Variants in RAB6B observed in about 807,000 individuals in gnomAD.
RAB6B encodes the protein ras-related protein Rab-6B.
Under a neutral mutation model 31.2 loss-of-function variants are expected in RAB6B, and 7 were observed. The observed-to-expected ratio is 0.22, with a 90% CI of 0.13 to 0.42. The LOEUF (loss-of-function observed/expected upper bound fraction) is 0.42. Among genes scored for constraint, RAB6B ranks in the 10% least tolerant of loss-of-function variants. The probability of loss-of-function intolerance (pLI) is 1.00; values close to 1 mark genes in which losing one functional copy is unlikely to be tolerated. For synonymous variants in RAB6B, 105 were observed against 104.9 expected (o/e 1.00, Z -0.01); for missense variants, 149 against 280.6 (o/e 0.53, Z 3.35).
chr3:133,866,139 C>T (rs1045262413), intron 1 of RAB6B, among the ~76,000 whole-genome samples: 1 of 152,098 alleles, frequency 6.6e-6, no homozygotes, highest in Non-Finnish European at 1.5e-5. Flanking sequence ...ATGGGAAATG[C>T]TTAAAAGTGG....
chr3:133,831,065 A>G (rs1299432720), intron 7 of RAB6B, among the ~76,000 whole-genome samples: 2 of 152,246 alleles, frequency 1.3e-5, no homozygotes, highest in Non-Finnish European at 2.9e-5. Flanking sequence ...CGTTCTGCCC[A>G]GTATTGAAGT....
intron 7 of RAB6B, among the ~76,000 whole-genome samples, chr3:133,833,960 A>G (rs985988983): frequency 6.6e-6 from 1 of 152,198 alleles, no homozygotes; most frequent in African/African-American, 2.4e-5. Context: ...CTGAGTGTGA[A>G]TCCTAACTGT....
chr3:133,872,550 G>C (rs1122790), intron 1 of RAB6B, among the ~76,000 whole-genome samples: 77,822 of 152,086 alleles, frequency 0.51, 20,013 homozygotes, highest in East Asian at 0.68. Flanking sequence ...TCACCAAACA[G>C]AAAGTCCAGC....
intron 2 of RAB6B, among the ~76,000 whole-genome samples, chr3:133,862,186 T>C (rs538857099): frequency 6.6e-6 from 1 of 151,822 alleles, no homozygotes; most frequent in South Asian, 2.1e-4. Context: ...CTGAGGTTTC[T>C]CTCCTCTTGT....
At chr3:133,839,035 G>A (rs1293167486) in intron 5 of RAB6B, among the ~76,000 whole-genome samples, 1 of 152,266 alleles carries the variant, frequency 6.6e-6, no homozygotes, top group Non-Finnish European at 1.5e-5. Flanking sequence ...ACCAGGCTAA[G>A]CAGGCTACGG....
chr3:133,830,507 A>G (rs1218668860), intron 7 of RAB6B, among the ~76,000 whole-genome samples: 4 of 151,918 alleles, frequency 2.6e-5, no homozygotes, highest in Non-Finnish European at 5.9e-5. Context: ...TCCTTTGTTC[A>G]TGCTGTTCTT....
chr3:133,849,948 G>A (rs1003088494), intron 2 of RAB6B, among the ~76,000 whole-genome samples: 7 of 152,054 alleles, frequency 4.6e-5, no homozygotes, highest in Non-Finnish European at 1.0e-4. Context: ...CTCAAATAAG[G>A]CACAAACAGT....
chr3:133,895,509 C>T lies in RAB6B; in HGVS notation c.-43G>A. On this transcript the variant is annotated 5_prime_UTR_variant, in exon 1 of 8. Coordinates refer to ENST00000285208, the MANE Select transcript of RAB6B (RefSeq NM_016577.4). Reference sequence around the variant, plus strand: ...CCGGGAGAGGAGGAGGAGGAAAAAGCGAAGGAGCAGGGAGGGGAGAGTAGG... The same window carrying T: ...CCGGGAGAGGAGGAGGAGGAAAAAGTGAAGGAGCAGGGAGGGGAGAGTAGG... 3.8e-6 allele frequency: 6 copies of T among 1,597,162 alleles called. No homozygotes were observed. The highest frequency in any genetic ancestry group is 1.7e-5 in the Admixed American group (1 of 59,278).
Position 133,826,051 on chromosome 3 carries a change from A to T in RAB6B, c.*2737T>A, listed in dbSNP as rs1935557012. The stretch of plus-strand genomic sequence containing the variant: ...GGGATGGTGCCTGCTCAAGACAAAA[A>T]TCAGGGAACCAACAACTTCTGAAAA... On this transcript the variant is annotated 3_prime_UTR_variant, in exon 8 of 8. Coordinates refer to ENST00000285208, the MANE Select transcript of RAB6B (RefSeq NM_016577.4). The T allele has an allele frequency of 6.6e-6, 1 of 152,290 alleles. No individual in the cohort carries two copies. The highest frequency in any genetic ancestry group is 1.5e-5 in the Non-Finnish European group (1 of 68,086). The allele number at this position is 152,290 out of a possible 1,614,324, so 9.4% of individuals were successfully genotyped here.
intron 1 of RAB6B, among the ~76,000 whole-genome samples, chr3:133,890,396 G>C (rs899419942): frequency 5.9e-5 from 9 of 152,152 alleles, no homozygotes; most frequent in African/African-American, 2.2e-4. Flanking sequence ...CTTGAGGTCA[G>C]AAGTTCGAGA....
chr3:133,872,236 C>A (rs190584047), intron 1 of RAB6B, among the ~76,000 whole-genome samples: 3 of 152,276 alleles, frequency 2.0e-5, no homozygotes, highest in Non-Finnish European at 2.9e-5. Context: ...CAGAGACCCG[C>A]TGACTCAGCC....
intron 2 of RAB6B, among the ~76,000 whole-genome samples, chr3:133,862,466 G>C (rs1936173397): frequency 6.6e-6 from 1 of 152,224 alleles, no homozygotes; most frequent in Non-Finnish European, 1.5e-5. Flanking sequence ...TAGGAAAGAT[G>C]GTCACGGAGG....
At chr3:133,852,994 T>C (rs1936008743) in intron 2 of RAB6B, among the ~76,000 whole-genome samples, 1 of 152,210 alleles carries the variant, frequency 6.6e-6, no homozygotes, top group South Asian at 2.1e-4. Context: ...TCCCCTACCC[T>C]CTTTTCCTTT....
chr3:133,864,734 A>G (rs1027221927), intron 1 of RAB6B, 92 bp from the exon 2 acceptor site: 2 of 1,274,936 alleles, frequency 1.6e-6, no homozygotes, highest in Non-Finnish European at 2.3e-6. Context: ...TAACAAAACC[A>G]AAAAGCACAG....
intron 4 of RAB6B, among the ~76,000 whole-genome samples, chr3:133,840,106 C>T (rs1935801005): frequency 2.0e-5 from 3 of 152,022 alleles, no homozygotes; most frequent in Admixed American, 1.3e-4. Context: ...GTGTCCCCAC[C>T]ATGGGAGCTC....
intron 2 of RAB6B, among the ~76,000 whole-genome samples, chr3:133,843,766 G>C (rs1935869447): frequency 6.6e-6 from 1 of 152,134 alleles, no homozygotes; most frequent in Admixed American, 6.5e-5. Flanking sequence ...CATCTTTGGG[G>C]TCAGGTCCTC....
chr3:133,858,754 C>T (rs983047829), intron 2 of RAB6B, among the ~76,000 whole-genome samples: 1 of 152,166 alleles, frequency 6.6e-6, no homozygotes, highest in Non-Finnish European at 1.5e-5. Context: ...GCCCATGAAG[C>T]GAAATGCCTG....
At chr3:133,834,150 G>A (rs1243838621) in intron 7 of RAB6B, among the ~76,000 whole-genome samples, 1 of 152,060 alleles carries the variant, frequency 6.6e-6, no homozygotes, top group Non-Finnish European at 1.5e-5. Context: ...GGACAAGGAG[G>A]GGGCATCTGT....
At chr3:133,845,061 A>G (rs181514994) in intron 2 of RAB6B, among the ~76,000 whole-genome samples, 37 of 152,312 alleles carry the variant, frequency 2.4e-4, no homozygotes, top group Admixed American at 2.1e-3. Flanking sequence ...CCACCAAATT[A>G]AAAGAACTTC....
Sources: allele counts gnomAD v4.1 joint callset (sites outside exome capture counted in the v4.1 genomes callset), GRCh38; gene constraint gnomAD v4.1.1; transcripts MANE v1.5; gene names NCBI Gene and HGNC (gene_info 2026-07-23, HGNC 2026-07-21).